ZNF280D: variants seen among roughly 807,000 people sequenced by gnomAD.
The protein encoded by ZNF280D is zinc finger protein 280D, also known as suppressor of hairy wing homolog 4.
In ZNF280D, 39 loss-of-function variants were observed where a neutral mutation model predicts 94.7. That is an observed-to-expected ratio of 0.41 (90% CI 0.32 to 0.54). ZNF280D has a LOEUF of 0.54. Ranked by LOEUF, ZNF280D falls within the 20% of genes least tolerant of loss-of-function variation. The pLI is 0.22. For missense variants in ZNF280D, 1,090 were observed against 1,149.3 expected, an observed-to-expected ratio of 0.95 and a Z score of 0.75; for synonymous variants, 398 against 377.6, an observed-to-expected ratio of 1.05 and a Z score of -0.63.
intron 1 of ZNF280D, among the ~76,000 whole-genome samples, chr15:56,725,732 G>A (rs2058597279): frequency 6.6e-6 from 1 of 151,738 alleles, no homozygotes; most frequent in African/African-American, 2.4e-5. Context: ...AAATTACTAT[G>A]CTAGCTGGTC....
At chr15:56,635,991 G>A (rs185182158) in intron 20 of ZNF280D, among the ~76,000 whole-genome samples, 1 of 152,212 alleles carries the variant, frequency 6.6e-6, no homozygotes, top group African/African-American at 2.4e-5. Flanking sequence ...ACCACAATAA[G>A]TAGTAAAGAT....
chr15:56,725,906 A>C (rs1228716520), intron 1 of ZNF280D, among the ~76,000 whole-genome samples: 2 of 152,182 alleles, frequency 1.3e-5, no homozygotes, highest in Non-Finnish European at 2.9e-5. Flanking sequence ...ACATCATCCC[A>C]AAAATTACTT....
chr15:56,700,904 G>A, intron 6 of ZNF280D, 29 bp downstream of exon 6: 1 of 1,613,746 alleles, frequency 6.2e-7, no homozygotes, highest in Middle Eastern at 1.7e-4. Context: ...GGATCCCTGA[G>A]CTGGCCGTAT....
At position 56,635,197 on chromosome 15, in the gene ZNF280D, T is replaced by C. The variant is rs1364416147; in HGVS notation, c.2313A>G (p.Glu771=). The change falls in exon 21 of 22, where the codon GAA becomes GAG. Residue 771 remains glutamate, a splice_region_variant and synonymous_variant. Coordinates refer to ENST00000267807, the MANE Select transcript of ZNF280D (RefSeq NM_017661.4). ...AERETETSNS[E]SKQDKAASSK... Reference sequence around the variant, plus strand: ...ATTCAGTTTTTCCTTATATTTACCTTTCAGAATTTGATGTTTCTGTTTCTC... The same window carrying C: ...ATTCAGTTTTTCCTTATATTTACCTCTCAGAATTTGATGTTTCTGTTTCTC... 1 of 1,545,336 alleles carries C rather than the reference T, an allele frequency of 6.5e-7. No individual in the cohort carries two copies. The highest frequency in any genetic ancestry group is 2.0e-5 in the Admixed American group (1 of 50,986).
intron 10 of ZNF280D, among the ~76,000 whole-genome samples, chr15:56,681,864 T>C (rs2055639714): frequency 6.6e-6 from 1 of 152,162 alleles, no homozygotes; most frequent in South Asian, 2.1e-4. Flanking sequence ...GAGCATTACA[T>C]AGAGGAGCTC....
In ZNF280D at chr15:56,682,308, G is replaced by A. The variant is rs1255928589; in HGVS notation, c.950C>T (p.Thr317Ile). The A allele has an allele frequency of 8.8e-6, 14 of 1,590,270 alleles. No individual in the cohort carries two copies. Among genetic ancestry groups the A allele is most frequent in the Non-Finnish European group, 1.2e-5 (14 of 1,173,396 alleles). ...HEGDVQEEQKTHTTFKCFSCL... is the reference protein window; with the variant it reads ...HEGDVQEEQKIHTTFKCFSCL... Reference sequence around the variant, plus strand: ...ACTGAAGCATTTAAAGGTTGTGTGAGTCTTCTGTTCCTCCTGGACATCTCC... The same window carrying A: ...ACTGAAGCATTTAAAGGTTGTGTGAATCTTCTGTTCCTCCTGGACATCTCC... The change falls in exon 10 of 22, where the codon ACT becomes ATT. Residue 317 changes from threonine (T) to isoleucine (I), a missense_variant. By Grantham distance (89) the Thr-to-Ile change is moderately conservative (BLOSUM62 -1). Transcript: ENST00000267807.
chr15:56,690,955 T>C (rs1383130326), intron 7 of ZNF280D, among the ~76,000 whole-genome samples: 2 of 152,164 alleles, frequency 1.3e-5, no homozygotes, highest in African/African-American at 4.8e-5. Context: ...AACTTGTCAC[T>C]CTCTAGTCTA....
Position 56,631,515 on chromosome 15 carries a change from C to T in ZNF280D, c.2923G>A (p.Glu975Lys), listed in dbSNP as rs1566920570. Residue 975 changes from glutamate to lysine, a missense_variant, in exon 22 of 22, where the codon GAA becomes AAA. Physicochemically the swap from Glu to Lys is moderately conservative, Grantham distance 56. Around this residue, in one of 3 missense-constraint regions of ZNF280D, gnomAD observed 577 missense variants for 568.8 expected, o/e 1.01. Transcript: ENST00000267807. ...GACTAATTTCAACTTCTTTCTTTTT[C>T]GTCTTCCAGGTCTACTGTTGCCTCT... Reference protein sequence around the residue: ...TTEATVDLEDEKERS With the variant: ...TTEATVDLEDKKERS 3.1e-6 allele frequency: 5 copies of T among 1,609,708 alleles called. No individual in the cohort carries two copies. The highest frequency in any genetic ancestry group is 4.2e-6 in the Non-Finnish European group (5 of 1,177,014).
chr15:56,650,189 A>C (rs2053125865), intron 19 of ZNF280D, among the ~76,000 whole-genome samples: 1 of 152,060 alleles, frequency 6.6e-6, no homozygotes, highest in African/African-American at 2.4e-5. Flanking sequence ...TTGCACACAT[A>C]AAAAGTAGGG....
intron 13 of ZNF280D, among the ~76,000 whole-genome samples, chr15:56,671,089 C>T (rs1458992481): frequency 1.3e-5 from 2 of 151,962 alleles, no homozygotes; most frequent in African/African-American, 4.8e-5. Context: ...TTGTCAGATG[C>T]ATAGTTTGCA....
At chr15:56,679,272 C>T (rs1172864099) in intron 10 of ZNF280D, among the ~76,000 whole-genome samples, 1 of 152,166 alleles carries the variant, frequency 6.6e-6, no homozygotes, top group Non-Finnish European at 1.5e-5. Flanking sequence ...AAGGCAGCTA[C>T]AGAGTCAGGA....
At chr15:56,679,799 C>T (rs2055495799) in intron 10 of ZNF280D, among the ~76,000 whole-genome samples, 1 of 152,154 alleles carries the variant, frequency 6.6e-6, no homozygotes, top group African/African-American at 2.4e-5. Flanking sequence ...TACCTCTTTT[C>T]ACAAATTTAC....
chr15:56,643,075 G>A (rs1437936733), intron 19 of ZNF280D, 78 bp from the exon 20 acceptor site: 44 of 912,970 alleles, frequency 4.8e-5, no homozygotes, highest in Non-Finnish European at 6.7e-5. Flanking sequence ...TTCTCTGCCA[G>A]CCTAAAATAA....
At chr15:56,687,768 T>C (rs2056126300) in intron 9 of ZNF280D, among the ~76,000 whole-genome samples, 1 of 152,160 alleles carries the variant, frequency 6.6e-6, no homozygotes, top group Non-Finnish European at 1.5e-5. Context: ...ATAATTCTCC[T>C]ATAAGACCAA....
intron 1 of ZNF280D, among the ~76,000 whole-genome samples, chr15:56,732,141 G>A (rs2058923750): frequency 6.6e-6 from 1 of 152,164 alleles, no homozygotes; most frequent in African/African-American, 2.4e-5. Flanking sequence ...CGGAGAAGGA[G>A]TCAGAAGACC....
intron 1 of ZNF280D, among the ~76,000 whole-genome samples, chr15:56,731,929 G>T (rs1171111284): frequency 6.6e-6 from 1 of 152,156 alleles, no homozygotes; most frequent in East Asian, 1.9e-4. Context: ...TCCCAGCTAC[G>T]GAGGCTGAGG....
intron 20 of ZNF280D, among the ~76,000 whole-genome samples, chr15:56,636,764 A>G (rs1465845645): frequency 6.7e-6 from 1 of 150,284 alleles, no homozygotes; most frequent in African/African-American, 2.5e-5. Flanking sequence ...GATTACAGGC[A>G]TGTTCCACCA....
rs774496972 is a variant in ZNF280D, at chr15:56,678,671, T to C, written c.1155A>G (p.Glu385=). The change falls in exon 11 of 22, where the codon GAA becomes GAG. Residue 385 remains glutamate, a synonymous_variant. Coordinates refer to ENST00000267807, the MANE Select transcript of ZNF280D (RefSeq NM_017661.4). ...AATGTATTGGTAACTTACTAGAAAA[T>C]TCATGGGGCGTATGTGTACTTTCGA... The part of the protein sequence containing the change: ...CHIESTHTPH[E]FSTICKICEL... 9.4e-6 allele frequency: 15 copies of C among 1,592,410 alleles called. No individual in the cohort carries two copies. The African/African-American group carries it at 2.0e-4, about 22-fold the overall frequency.
chr15:56,631,391 C>T lies in ZNF280D; in HGVS notation c.*107G>A. ...CAGGTAAAGTGTATGTGTGACCTCCCTTACATATTTCCATTTCTGAACCTA... is the reference window on the plus strand; with the variant it reads ...CAGGTAAAGTGTATGTGTGACCTCCTTTACATATTTCCATTTCTGAACCTA... On this transcript the variant is annotated 3_prime_UTR_variant, in exon 22 of 22. Coordinates refer to ENST00000267807, the MANE Select transcript of ZNF280D (RefSeq NM_017661.4). The T allele has an allele frequency of 1.7e-6, 2 of 1,207,376 alleles. No individual in the cohort carries two copies. The highest frequency in any genetic ancestry group is 2.0e-4 in the Middle Eastern group (1 of 5,080). 74.8% of individuals were successfully genotyped at this position (1,207,376 alleles called of 1,614,324 possible). A position where few individuals can be genotyped will look rare whatever the true frequency, so the allele number is the denominator to read the frequency against.
Sources: gnomAD v4.1 joint callset for allele counts (sites outside exome capture counted in the v4.1 genomes callset) on GRCh38, gnomAD v4.1.1 for gene constraint, gnomAD v4.1.1 regional missense constraint, MANE v1.5 for transcripts, NCBI Gene and HGNC (gene_info 2026-07-23, HGNC 2026-07-21) for gene names.